CDH18: variants seen among roughly 807,000 people sequenced by gnomAD.
CDH18 encodes the protein cadherin 18.
Under a neutral mutation model 67.9 loss-of-function variants are expected in CDH18, and 31 were observed. That is an observed-to-expected ratio of 0.46 (90% CI 0.34 to 0.62). The LOEUF (loss-of-function observed/expected upper bound fraction) is 0.62, where lower values mean the gene tolerates loss of function less well. CDH18 is among the 20% of genes least tolerant of loss of function. The pLI, the probability that CDH18 is intolerant of heterozygous loss-of-function variation, is 0.01. For missense variants in CDH18, 890 were observed against 975.5 expected, an observed-to-expected ratio of 0.91 and a Z score of 1.17; for synonymous variants, 362 against 347.2, an observed-to-expected ratio of 1.04 and a Z score of -0.48.
At chr5:20,354,708 G>A (rs1051636814) in intron 1 of CDH18, among the ~76,000 whole-genome samples, 2 of 152,132 alleles carry the variant, frequency 1.3e-5, no homozygotes, top group Non-Finnish European at 2.9e-5. Flanking sequence ...CACCGTGCCT[G>A]TCTCAACTCC....
chr5:20,508,323 TTATATATATATA>T (rs55885279), intron 1 of CDH18, among the ~76,000 whole-genome samples: 2,071 of 111,124 alleles, frequency 0.019, 47 homozygotes, highest in African/African-American at 0.05. Flanking sequence ...ATGACTATGA[TTATATATATATA>T]TATATATATA....
At chr5:20,549,291 A>G (rs1297110246) in intron 1 of CDH18, among the ~76,000 whole-genome samples, 1 of 152,108 alleles carries the variant, frequency 6.6e-6, no homozygotes, top group African/African-American at 2.4e-5. Flanking sequence ...TTTAAATTTT[A>G]TTCTTTCATA....
intron 2 of CDH18, among the ~76,000 whole-genome samples, chr5:20,244,559 T>C (rs1035987087): frequency 5.9e-5 from 9 of 152,236 alleles, no homozygotes; most frequent in African/African-American, 1.9e-4. Context: ...CTTGACTTCT[T>C]ATTGGTTTGT....
chr5:19,582,219 G>A (rs558118641), intron 7 of CDH18, among the ~76,000 whole-genome samples: 3 of 151,864 alleles, frequency 2.0e-5, no homozygotes, highest in East Asian at 1.9e-4. Context: ...ATGTGTGCAC[G>A]TGTATGTGTA....
chr5:19,773,234 C>A (rs1184993687), intron 3 of CDH18, among the ~76,000 whole-genome samples: 1 of 152,078 alleles, frequency 6.6e-6, no homozygotes, highest in Admixed American at 6.6e-5. Context: ...AATGGAATAT[C>A]ATTCAGAACA....
intron 5 of CDH18, among the ~76,000 whole-genome samples, chr5:19,687,994 C>T (rs559337036): frequency 4.6e-5 from 7 of 152,254 alleles, no homozygotes; most frequent in South Asian, 4.1e-4. Flanking sequence ...TGGGAATCAC[C>T]GTGCCCCATC....
At position 19,756,879 on chromosome 5, in the gene CDH18, C is replaced by A. The variant is rs115157726; in HGVS notation, c.229-9643G>T. 3.1e-3 allele frequency among the ~76,000 whole-genome samples: 476 copies of A among 152,240 alleles called. 1 individual carries two copies. The highest frequency in any genetic ancestry group is 0.011 in the African/African-American group (454 of 41,536). On this transcript the variant is annotated intron_variant, in intron 3 of 12. Transcript: ENST00000382275. ...ACTTATGCTTCTATTCCTTGATTCCCGGATCCATGAATCTTCGCTATGGGA... is the reference window on the plus strand; with the variant it reads ...ACTTATGCTTCTATTCCTTGATTCCAGGATCCATGAATCTTCGCTATGGGA...
chr5:20,305,472 G>A (rs1316974947), intron 1 of CDH18: 31 of 1,323,456 alleles, frequency 2.3e-5, no homozygotes, highest in Non-Finnish European at 2.9e-5. Context: ...CTCAGCGGCC[G>A]CCGCTGCACT....
intron 5 of CDH18, among the ~76,000 whole-genome samples, chr5:19,717,986 AATACATTTTTTTC>A (rs1215882560): frequency 6.6e-6 from 1 of 152,028 alleles, no homozygotes; most frequent in Non-Finnish European, 1.5e-5. Context: ...CATTAAAAAC[AATACATTTTTTTC>A]ACAAGATGTT....
At chr5:19,525,956 A>G (rs2126942469) in intron 9 of CDH18, among the ~76,000 whole-genome samples, 1 of 152,220 alleles carries the variant, frequency 6.6e-6, no homozygotes, top group East Asian at 1.9e-4. Context: ...TTTCTAGAAA[A>G]CAATTTTCAT....
intron 1 of CDH18, among the ~76,000 whole-genome samples, chr5:20,500,198 T>C (rs1754171581): frequency 6.6e-6 from 1 of 152,204 alleles, no homozygotes; most frequent in African/African-American, 2.4e-5. Flanking sequence ...TACAGTTCTA[T>C]AGGCACTCAA....
chr5:20,500,748 T>A (rs1228384018), intron 1 of CDH18, among the ~76,000 whole-genome samples: 4 of 152,190 alleles, frequency 2.6e-5, no homozygotes, highest in African/African-American at 4.8e-5. Context: ...TGTCCAAATA[T>A]TTGTTTAAAT....
At chr5:20,446,055 T>C (rs1749975344) in intron 1 of CDH18, among the ~76,000 whole-genome samples, 1 of 152,220 alleles carries the variant, frequency 6.6e-6, no homozygotes, top group Admixed American at 6.5e-5. Flanking sequence ...ACTGCATATG[T>C]TTTTACCCAT....
intron 1 of CDH18, among the ~76,000 whole-genome samples, chr5:20,532,793 G>T (rs1190721695): frequency 6.6e-6 from 1 of 151,820 alleles, no homozygotes; most frequent in East Asian, 1.9e-4. Context: ...ATAATCCATT[G>T]TTTAGTTAAC....
intron 2 of CDH18, among the ~76,000 whole-genome samples, chr5:19,953,426 C>A (rs1795986438): frequency 6.6e-6 from 1 of 151,908 alleles, no homozygotes; most frequent in African/African-American, 2.4e-5. Flanking sequence ...TATAGGGTAA[C>A]AATGAGCAAT....
intron 2 of CDH18, among the ~76,000 whole-genome samples, chr5:20,093,163 G>T (rs1350522966): frequency 6.6e-6 from 1 of 151,764 alleles, no homozygotes; most frequent in African/African-American, 2.4e-5. Flanking sequence ...TTGACCCCAA[G>T]AATTCGAGAC....
chr5:20,059,973 C>CGGG (rs1554085337), intron 2 of CDH18, among the ~76,000 whole-genome samples: 1 of 87,378 alleles, frequency 1.1e-5, no homozygotes, highest in Admixed American at 1.3e-4. Flanking sequence ...TGGGGCTTGT[C>CGGG]GGGGGCTGGG....
intron 1 of CDH18, among the ~76,000 whole-genome samples, chr5:20,509,726 T>C (rs1754908829): frequency 6.6e-6 from 1 of 152,220 alleles, no homozygotes; most frequent in Non-Finnish European, 1.5e-5. Flanking sequence ...GCCGATTTTC[T>C]TCTTTTTAAG....
chr5:19,988,691 C>T (rs967006589), upstream of CDH18, among the ~76,000 whole-genome samples: 1 of 151,924 alleles, frequency 6.6e-6, no homozygotes, highest in Non-Finnish European at 1.5e-5. Flanking sequence ...GCAGGGCAGG[C>T]GCTGATGTGG....
Sources: gnomAD v4.1 joint callset for allele counts (sites outside exome capture counted in the v4.1 genomes callset) on GRCh38, gnomAD v4.1.1 for gene constraint, MANE v1.5 for transcripts, NCBI Gene and HGNC (gene_info 2026-07-23, HGNC 2026-07-21) for gene names.